Variants in PIP5K1B observed in about 807,000 individuals in gnomAD.
The protein encoded by PIP5K1B is phosphatidylinositol 4-phosphate 5-kinase type-1 beta.
Under a neutral mutation model 67.0 loss-of-function variants are expected in PIP5K1B, and 42 were observed. That is an observed-to-expected ratio of 0.63 (90% confidence interval 0.49 to 0.81). PIP5K1B has a LOEUF of 0.81. PIP5K1B is among the 30% of genes least tolerant of loss of function. PIP5K1B has a pLI of 0.00. For missense variants in PIP5K1B, 459 were observed against 646.3 expected (o/e 0.71, Z 3.14); for synonymous variants, 214 against 231.4 (o/e 0.92, Z 0.68).
intron 2 of PIP5K1B, among the ~76,000 whole-genome samples, chr9:68,815,297 A>G (rs1239223930): frequency 6.6e-6 from 1 of 152,062 alleles, no homozygotes; most frequent in Non-Finnish European, 1.5e-5. Context: ...AATAAGCTAA[A>G]TATTGCATCT....
intron 1 of PIP5K1B, among the ~76,000 whole-genome samples, chr9:68,713,270 G>A (rs1426324094): frequency 2.0e-5 from 3 of 152,166 alleles, no homozygotes; most frequent in African/African-American, 7.2e-5. Context: ...ATGGTGGCAG[G>A]TGCCTGTAAT....
intron 1 of PIP5K1B, among the ~76,000 whole-genome samples, chr9:68,714,544 C>G (rs1177336863): frequency 2.0e-5 from 3 of 152,198 alleles, no homozygotes; most frequent in Admixed American, 2.0e-4. Flanking sequence ...AACCAGGGCA[C>G]TTGTGATGGT....
At chr9:68,855,175 C>G (rs1822701725) in intron 4 of PIP5K1B, among the ~76,000 whole-genome samples, 1 of 152,084 alleles carries the variant, frequency 6.6e-6, no homozygotes, top group African/African-American at 2.4e-5. Context: ...GGTTGTCACC[C>G]CTTTCTTCAA....
intron 5 of PIP5K1B, among the ~76,000 whole-genome samples, chr9:68,864,389 C>T (rs1823258616): frequency 6.6e-6 from 1 of 152,208 alleles, no homozygotes; most frequent in Admixed American, 6.5e-5. Context: ...AATTGGGCCT[C>T]AAATCTGAGT....
intron 6 of PIP5K1B, among the ~76,000 whole-genome samples, chr9:68,883,924 G>A (rs1824326766): frequency 6.6e-6 from 1 of 152,144 alleles, no homozygotes; most frequent in Non-Finnish European, 1.5e-5. Context: ...TTTAAGAAAT[G>A]ATGTTGGGAA....
chr9:68,903,961 G>C (rs1416471649), intron 8 of PIP5K1B, among the ~76,000 whole-genome samples: 1 of 152,114 alleles, frequency 6.6e-6, no homozygotes, highest in Non-Finnish European at 1.5e-5. Flanking sequence ...TTTATCTGTG[G>C]GTTGGTTCAG....
intron 15 of PIP5K1B, among the ~76,000 whole-genome samples, chr9:69,006,448 C>T (rs1020358123): frequency 2.6e-5 from 4 of 152,198 alleles, no homozygotes; most frequent in Admixed American, 2.6e-4. Context: ...ATTCCACTCA[C>T]CTCCCGACCC....
Position 69,008,704 on chromosome 9 carries a change from C to T in PIP5K1B, c.*255C>T, listed in dbSNP as rs1831200348. On this transcript the variant is annotated 3_prime_UTR_variant, in exon 16 of 16. Transcript: ENST00000265382. ...AAGAACTGCATGAACTATATTTAAG[C>T]TGCTTTCTGTACCATTGCCAATCAC... 2.1e-6 allele frequency: 1 copy of T among 479,618 alleles called. No individual in the cohort carries two copies. Among genetic ancestry groups the T allele is most frequent in the East Asian group, 3.3e-5 (1 of 29,906 alleles). The allele number at this position is 479,618 out of a possible 1,614,324, so 29.7% of individuals were successfully genotyped here. A position where few individuals can be genotyped will look rare whatever the true frequency, so the allele number is the denominator to read the frequency against.
At chr9:68,863,178 T>C (rs1365947242) in intron 4 of PIP5K1B, among the ~76,000 whole-genome samples, 2 of 152,168 alleles carry the variant, frequency 1.3e-5, no homozygotes, top group Admixed American at 6.5e-5. Flanking sequence ...CCACCTCCAG[T>C]TGTGATTACC....
chr9:68,956,444 G>A (rs1291054210), intron 14 of PIP5K1B, among the ~76,000 whole-genome samples: 2 of 152,194 alleles, frequency 1.3e-5, no homozygotes, highest in Admixed American at 1.3e-4. Flanking sequence ...ACTCCAGCCT[G>A]GGCGACTGAG....
intron 2 of PIP5K1B, among the ~76,000 whole-genome samples, chr9:68,748,048 C>G (rs1829410808): frequency 6.6e-6 from 1 of 152,210 alleles, no homozygotes; most frequent in Non-Finnish European, 1.5e-5. Context: ...TCCCCATTCC[C>G]TACTCCCTGT....
chr9:68,891,457 A>ATTT (rs1824782610), intron 7 of PIP5K1B, among the ~76,000 whole-genome samples: 1 of 150,282 alleles, frequency 6.7e-6, no homozygotes, highest in African/African-American at 2.4e-5. Flanking sequence ...TTTTTTTTTA[A>ATTT]AAAATGATAA....
chr9:68,909,759 C>T (rs181066616), intron 8 of PIP5K1B, among the ~76,000 whole-genome samples: 40 of 152,294 alleles, frequency 2.6e-4, no homozygotes, highest in Admixed American at 2.5e-3. Flanking sequence ...TATTTGATGT[C>T]TCCCCTCATC....
At chr9:68,904,573 C>A (rs956066210) in intron 8 of PIP5K1B, among the ~76,000 whole-genome samples, 11 of 152,158 alleles carry the variant, frequency 7.2e-5, no homozygotes, top group African/African-American at 2.4e-4. Context: ...CACACGAAAT[C>A]CTATTAAGTT....
At chr9:68,907,175 G>A (rs1249389951) in intron 8 of PIP5K1B, among the ~76,000 whole-genome samples, 1 of 152,096 alleles carries the variant, frequency 6.6e-6, no homozygotes, top group Non-Finnish European at 1.5e-5. Flanking sequence ...TTTATTCAAA[G>A]TTGAACTCTC....
chr9:68,947,742 A>G (rs1827870534), intron 14 of PIP5K1B, among the ~76,000 whole-genome samples: 1 of 152,236 alleles, frequency 6.6e-6, no homozygotes, highest in Non-Finnish European at 1.5e-5. Flanking sequence ...AAATTTTTTA[A>G]TGATCTGTGC....
intron 9 of PIP5K1B, among the ~76,000 whole-genome samples, chr9:68,918,310 A>G (rs1342135982): frequency 6.6e-6 from 1 of 152,066 alleles, no homozygotes; most frequent in African/African-American, 2.4e-5. Flanking sequence ...GGCTGGTCTC[A>G]AACTCCTGGC....
chr9:68,717,810 C>T (rs189261359), intron 1 of PIP5K1B, among the ~76,000 whole-genome samples: 10 of 152,196 alleles, frequency 6.6e-5, no homozygotes, highest in East Asian at 5.8e-4. Context: ...CTAGTATATA[C>T]GTAGAGATAT....
intron 14 of PIP5K1B, among the ~76,000 whole-genome samples, chr9:68,969,021 A>C (rs1410950898): frequency 6.6e-6 from 1 of 152,282 alleles, no homozygotes; most frequent in East Asian, 1.9e-4. Context: ...TGAGGGCCTC[A>C]TGTGCTTCAT....
Sources: gnomAD v4.1 joint callset for allele counts (sites outside exome capture counted in the v4.1 genomes callset) on GRCh38, gnomAD v4.1.1 for gene constraint, MANE v1.5 for transcripts, NCBI Gene and HGNC (gene_info 2026-07-23, HGNC 2026-07-21) for gene names.